Variants in CENPN observed in about 807,000 individuals in gnomAD.
The protein encoded by CENPN is centromere protein N, also known as interphase centromere complex protein 32.
Under a neutral mutation model 48.6 loss-of-function variants are expected in CENPN, and 36 were observed. The ratio of observed to expected loss-of-function variants is 0.74; its 90% CI spans 0.57 to 0.98. CENPN has a LOEUF of 0.98. CENPN is among the 50% of genes least tolerant of loss of function. The pLI, the probability that CENPN is intolerant of heterozygous loss-of-function variation, is 0.00. For missense variants in CENPN, 439 were observed against 399.2 expected (o/e 1.10, Z -0.85); for synonymous variants, 166 against 135.2 (o/e 1.23, Z -1.58).
In CENPN at chr16:81,020,240, C is replaced by T. The variant is rs1046805235; in HGVS notation, c.495C>T (p.Ser165=). The change falls in exon 6 of 11, where the codon TCC becomes TCT. Residue 165 remains serine (S), a synonymous_variant. Coordinates refer to ENST00000305850, the MANE Select transcript of CENPN (RefSeq NM_001100624.3). ...AGACTCCGTACGCCTTCACGTCCTC[C>T]TCCATGCTGAGGCGCAATACACCGC... ...YSQTPYAFTS[S]SMLRRNTPLL... is the part of the protein sequence containing the mutation. The T allele has an allele frequency of 6.2e-7, 1 of 1,613,748 alleles. No individual in the cohort carries two copies. The highest frequency in any genetic ancestry group is 1.7e-5 in the Admixed American group (1 of 59,910).
chr16:81,024,708 T>C lies in CENPN; in HGVS notation c.634-7T>C, dbSNP rs754001775. On this transcript the variant is annotated splice_polypyrimidine_tract_variant and splice_region_variant and intron_variant, in intron 7 of 10. Transcript: ENST00000305850. The stretch of plus-strand genomic sequence containing the variant: ...GATTAGTAAAATATTCACTTTTTTT[T>C]CCCTAGACCTTTGAAACTCACAACT... 4.5e-5 allele frequency: 71 copies of C among 1,593,162 alleles called. No individual in the cohort carries two copies. Among genetic ancestry groups the C allele is most frequent in the African/African-American group, 9.4e-5 (7 of 74,154 alleles).
Position 81,024,791 on chromosome 16 carries a change from T to C in CENPN, c.697+13T>C. ...CTAGATATAAATAGTACGTGTGTGT[T>C]AATATGAAACTGAATTTTGGAAATG... On this transcript the variant is annotated intron_variant, in intron 8 of 10. Coordinates refer to ENST00000305850, the MANE Select transcript of CENPN (RefSeq NM_001100624.3). 1 of 1,571,852 alleles carries C rather than the reference T, an allele frequency of 6.4e-7. No individual in the cohort carries two copies. The highest frequency in any genetic ancestry group is 8.7e-7 in the Non-Finnish European group (1 of 1,149,370).
At chr16:81,027,949 C>G (rs1168060012) in intron 9 of CENPN, among the ~76,000 whole-genome samples, 1 of 152,202 alleles carries the variant, frequency 6.6e-6, no homozygotes, top group Non-Finnish European at 1.5e-5. Context: ...AAGTGATCCA[C>G]TCGCCTTGGC....
At position 81,011,952 on chromosome 16, in the gene CENPN, G is replaced by T; in HGVS notation, c.13G>T (p.Val5Phe). ...AAGTGCCAAAGAGATGGATGAGACT[G>T]TTGCTGAGTTCATCAAGAGGACCAT... MDETVAEFIKRTILK... is the reference protein window; with the variant it reads MDETFAEFIKRTILK... The change falls in exon 2 of 11, where the codon GTT becomes TTT. Residue 5 changes from valine (V) to phenylalanine (F), a missense_variant. Coordinates refer to ENST00000305850, the MANE Select transcript of CENPN (RefSeq NM_001100624.3). 6.2e-7 allele frequency: 1 copy of T among 1,614,082 alleles called. No homozygotes were observed. Among genetic ancestry groups the T allele is most frequent in the Non-Finnish European group, 8.5e-7 (1 of 1,179,928 alleles).
rs777227540 is a variant in CENPN, at chr16:81,020,135, A to G, written c.390A>G (p.Ala130=). ...GCTTCAGAGAAACTGAGGAGAATGCAGTCTGGATTCGAATTGCCTGGGGAA... is the reference window on the plus strand; with the variant it reads ...GCTTCAGAGAAACTGAGGAGAATGCGGTCTGGATTCGAATTGCCTGGGGAA... ...TVSFRETEEN[A]VWIRIAWGTQ... Residue 130 remains alanine (A), a synonymous_variant, in exon 6 of 11, where the codon GCA becomes GCG. Transcript: ENST00000305850. 9.3e-6 allele frequency: 15 copies of G among 1,613,182 alleles called. No homozygotes were observed. Among genetic ancestry groups the G allele is most frequent in the Non-Finnish European group, 1.2e-5 (14 of 1,179,784 alleles).
In CENPN at chr16:81,031,330, C is replaced by T. The variant is rs1004364427; in HGVS notation, c.*2679C>T. The T allele has an allele frequency of 3.9e-5, 6 of 152,228 alleles. No homozygotes were observed. Among genetic ancestry groups the T allele is most frequent in the Non-Finnish European group, 7.3e-5 (5 of 68,050 alleles). 9.4% of individuals were successfully genotyped at this position (152,228 alleles called of 1,614,324 possible). On this transcript the variant is annotated 3_prime_UTR_variant, in exon 11 of 11. Coordinates refer to ENST00000305850, the MANE Select transcript of CENPN (RefSeq NM_001100624.3). ...GATTTTTGTACTAAGCCAGTTGCCT[C>T]TTTCAAAACAACTTGTCAACTTGTC...
In CENPN at chr16:81,030,766, C is replaced by G. The variant is rs1257443406; in HGVS notation, c.*2115C>G. ...TCTGCCTCAAAAAATAAAATAAAGG[C>G]CAGGCATGGTGGCTCACGCCTATAA... On this transcript the variant is annotated 3_prime_UTR_variant, in exon 11 of 11. Coordinates refer to ENST00000305850, the MANE Select transcript of CENPN (RefSeq NM_001100624.3). The G allele has an allele frequency of 6.6e-6, 1 of 150,936 alleles. No individual in the cohort carries two copies. Among genetic ancestry groups the G allele is most frequent in the Admixed American group, 6.6e-5 (1 of 15,116 alleles). The allele number at this position is 150,936 out of a possible 1,614,324, so 9.3% of individuals were successfully genotyped here.
At chr16:81,022,748 G>A (rs1203617503) in intron 7 of CENPN, 50 bp downstream of exon 7, 1 of 1,613,958 alleles carries the variant, frequency 6.2e-7, no homozygotes, top group Non-Finnish European at 8.5e-7. Context: ...TTTTCTCTTT[G>A]ACACAGGAGT....
chr16:81,030,168 T>C lies in CENPN; in HGVS notation c.*1517T>C. Reference sequence around the variant, plus strand: ...CCTTGTCACATGGGGGTTATTACAATTCAAGGTGACACTTGTGTGGAGACA... The same window carrying C: ...CCTTGTCACATGGGGGTTATTACAACTCAAGGTGACACTTGTGTGGAGACA... On this transcript the variant is annotated 3_prime_UTR_variant, in exon 11 of 11. Coordinates refer to ENST00000305850, the MANE Select transcript of CENPN (RefSeq NM_001100624.3). 1.0e-6 allele frequency: 1 copy of C among 982,734 alleles called. No homozygotes were observed. Among genetic ancestry groups the C allele is most frequent in the Non-Finnish European group, 1.2e-6 (1 of 827,500 alleles). 60.9% of individuals were successfully genotyped at this position (982,734 alleles called of 1,614,324 possible).
In CENPN at chr16:81,017,367, C is replaced by A; in HGVS notation, c.259C>A (p.Gln87Lys). The A allele has an allele frequency of 1.9e-6, 3 of 1,593,964 alleles. No homozygotes were observed. In the South Asian group the frequency reaches 3.3e-5, roughly 18 times the overall value. ...HQHQKVWEVF[Q>K]MSKGPGEDVD... ...GCACCAGAAAGTTTGGGAAGTTTTT[C>A]AGATGAGTAAAGGACCAGGTAATAT... The change falls in exon 4 of 11, where the codon CAG becomes AAG. Residue 87 changes from glutamine (Q) to lysine (K), a missense_variant. By Grantham distance (53) the Gln-to-Lys change is moderately conservative. Transcript: ENST00000305850.
intron 5 of CENPN, among the ~76,000 whole-genome samples, chr16:81,018,995 C>G (rs1970052492): frequency 6.6e-6 from 1 of 152,210 alleles, no homozygotes; most frequent in Admixed American, 6.5e-5. Context: ...CAATTGGCAA[C>G]CATATTTAAA....
intron 1 of CENPN, among the ~76,000 whole-genome samples, chr16:81,009,846 A>G (rs1036712800): frequency 8.5e-5 from 13 of 152,196 alleles, no homozygotes; most frequent in African/African-American, 2.9e-4. Flanking sequence ...GTGCCTTCCT[A>G]GAAGACACAC....
chr16:81,014,258 A>C (rs1969852046), intron 3 of CENPN, 77 bp downstream of exon 3: 1 of 1,247,838 alleles, frequency 8.0e-7, no homozygotes, highest in Non-Finnish European at 1.2e-6. Flanking sequence ...TTTGTGAGAC[A>C]GGGTCTCCCT....
chr16:81,028,231 C>G lies in CENPN; in HGVS notation c.871C>G (p.Leu291Val). ...GSILAEREEP[L>V]RCLIKFSSPH... ...CATCTTGGCTGAGAGGGAAGAACCCCTCCGATGCCTAATAAAGTTCTCTAG... is the reference window on the plus strand; with the variant it reads ...CATCTTGGCTGAGAGGGAAGAACCCGTCCGATGCCTAATAAAGTTCTCTAG... The change falls in exon 10 of 11, where the codon CTC becomes GTC. Residue 291 changes from leucine to valine, a missense_variant. Coordinates refer to ENST00000305850, the MANE Select transcript of CENPN (RefSeq NM_001100624.3). 1 of 1,613,620 alleles carries G rather than the reference C, an allele frequency of 6.2e-7. No individual in the cohort carries two copies. The highest frequency in any genetic ancestry group is 1.6e-4 in the Middle Eastern group (1 of 6,062).
intron 1 of CENPN, among the ~76,000 whole-genome samples, chr16:81,008,115 C>CA (rs1201831219): frequency 5.9e-5 from 9 of 151,832 alleles, no homozygotes; most frequent in African/African-American, 2.2e-4. Flanking sequence ...TCCGAAACAA[C>CA]AAAAAAAGGA....
chr16:81,011,404 G>A (rs570246930), intron 1 of CENPN, among the ~76,000 whole-genome samples: 1 of 152,156 alleles, frequency 6.6e-6, no homozygotes, highest in Non-Finnish European at 1.5e-5. Flanking sequence ...TACTGGAACA[G>A]ATGTTTGTCT....
chr16:81,020,387 G>C, intron 6 of CENPN, 111 bp downstream of exon 6: 2 of 1,097,544 alleles, frequency 1.8e-6, no homozygotes, highest in Non-Finnish European at 2.5e-6. Flanking sequence ...GCCAGGTGCA[G>C]TGGCATGTAC....
chr16:81,027,689 C>G (rs1488559651), intron 9 of CENPN, among the ~76,000 whole-genome samples: 1 of 152,064 alleles, frequency 6.6e-6, no homozygotes, highest in Non-Finnish European at 1.5e-5. Context: ...TTTGATACAC[C>G]AGTTGCCCTC....
Position 81,028,181 on chromosome 16 carries a change from A to C in CENPN, c.821A>C (p.Lys274Thr). The C allele has an allele frequency of 2.5e-6, 4 of 1,610,732 alleles. No homozygotes were observed. The highest frequency in any genetic ancestry group is 3.4e-6 in the Non-Finnish European group (4 of 1,176,916). Residue 274 changes from lysine (K) to threonine (T), a missense_variant, in exon 10 of 11, where the codon AAA becomes ACA. Lys to Thr is a moderately conservative substitution (Grantham distance 78). Transcript: ENST00000305850. The part of the protein sequence containing the change: ...LEFAQYKLET[K>T]FKSGLNGSIL... ...AATGTTTGTTGACAGCTTGAAACGA[A>C]ATTCAAAAGTGGTTTAAATGGGAGC...
Sources: allele counts gnomAD v4.1 joint callset (sites outside exome capture counted in the v4.1 genomes callset), GRCh38; gene constraint gnomAD v4.1.1; transcripts MANE v1.5; gene names NCBI Gene and HGNC (gene_info 2026-07-23, HGNC 2026-07-21).